The following SCAP variants were observed in gnomAD, a reference collection of about 807,000 sequenced individuals.
The protein encoded by SCAP is sterol regulatory element-binding protein cleavage-activating protein.
Under a neutral mutation model 123.6 loss-of-function variants are expected in SCAP, and 65 were observed. That is an observed-to-expected ratio of 0.53 (90% CI 0.43 to 0.65). The LOEUF is 0.65. SCAP is among the 30% of genes least tolerant of loss of function. The pLI is 0.00. For missense variants in SCAP, 1,398 were observed against 1,712.5 expected, an observed-to-expected ratio of 0.82 and a Z score of 3.24; for synonymous variants, 740 against 726.3, an observed-to-expected ratio of 1.02 and a Z score of -0.30.
intron 19 of SCAP, 33 bp from the exon 20 acceptor site, chr3:47,415,026 A>C (rs1405242579): frequency 6.3e-7 from 1 of 1,580,024 alleles, no homozygotes; most frequent in Non-Finnish European, 8.6e-7. Context: ...AGAATCTCTG[A>C]GAAAGCAATG....
chr3:47,438,173 C>T (rs555296086), intron 2 of SCAP, among the ~76,000 whole-genome samples: 24 of 152,150 alleles, frequency 1.6e-4, no homozygotes, highest in Non-Finnish European at 2.9e-4. Flanking sequence ...TTTTGTGAAA[C>T]GCCTCTTCAA....
At chr3:47,416,326 G>A (rs566540878) in intron 18 of SCAP, among the ~76,000 whole-genome samples, 1 of 152,324 alleles carries the variant, frequency 6.6e-6, no homozygotes, top group South Asian at 2.1e-4. Flanking sequence ...TACTGGGGAC[G>A]CCCACAGCCA....
At chr3:47,427,050 C>T in intron 6 of SCAP, 107 bp downstream of exon 6, 1 of 770,296 alleles carries the variant, frequency 1.3e-6, no homozygotes, top group Non-Finnish European at 2.2e-6. Flanking sequence ...GGAAACTCTC[C>T]CAAGTTTCCA....
intron 1 of SCAP, among the ~76,000 whole-genome samples, chr3:47,470,491 G>A (rs1707988455): frequency 6.6e-6 from 1 of 152,202 alleles, no homozygotes; most frequent in Non-Finnish European, 1.5e-5. Context: ...TGGGCAAGAA[G>A]AAAGCCTGAC....
At chr3:47,442,841 C>T in intron 2 of SCAP, 31 bp downstream of exon 2, 1 of 1,602,554 alleles carries the variant, frequency 6.2e-7, no homozygotes, top group Non-Finnish European at 8.6e-7. Context: ...AGACACTGGC[C>T]CACCATATCC....
intron 2 of SCAP, 126 bp from the exon 3 acceptor site, chr3:47,435,263 T>C (rs1427557733): frequency 9.3e-7 from 1 of 1,072,006 alleles, no homozygotes; most frequent in African/African-American, 1.6e-5. Flanking sequence ...TGCAAAATAT[T>C]AGAATCACAA....
intron 1 of SCAP, among the ~76,000 whole-genome samples, chr3:47,447,838 C>T (rs1252103174): frequency 6.6e-6 from 1 of 151,918 alleles, no homozygotes; most frequent in Non-Finnish European, 1.5e-5. Context: ...GAAACCCCGT[C>T]TCTATGAAAA....
chr3:47,421,018 GAGAC>G lies in SCAP; in HGVS notation c.1253_1256del (p.Cys418SerfsTer31). The G allele has an allele frequency of 6.2e-7, 1 of 1,613,826 alleles. No homozygotes were observed. Among genetic ancestry groups the G allele is most frequent in the Non-Finnish European group, 8.5e-7 (1 of 1,179,874 alleles). On this transcript the variant is annotated frameshift_variant, in exon 11 of 23. Coordinates refer to ENST00000265565, the MANE Select transcript of SCAP (RefSeq NM_012235.4). LOFTEE classifies it high-confidence loss of function. ...CAGACACCAGCCCCACGACAGCAAA[GAGAC>G]AGAACTCCTGGAATCAGAGCACATG...
intron 1 of SCAP, among the ~76,000 whole-genome samples, chr3:47,462,546 G>A (rs965898605): frequency 6.6e-6 from 1 of 151,946 alleles, no homozygotes; most frequent in Non-Finnish European, 1.5e-5. Context: ...AATGAGAAAC[G>A]CCTACAACCA....
chr3:47,417,574 G>A lies in SCAP; in HGVS notation c.2700C>T (p.Val900=), dbSNP rs780497763. 8 of 1,590,230 alleles carry A rather than the reference G, an allele frequency of 5.0e-6. No individual in the cohort carries two copies. The East Asian group carries it at 1.8e-4, about 36-fold the overall frequency. ...CTGGGGAGTCCCGAGAGCGGCCACA[G>A]ACCGCCCGGTGCCGGGGCTCGGGCT... ...PTQPEPRHRA[V]CGRSRDSPGY... is the part of the protein sequence containing the mutation. The change falls in exon 17 of 23, where the codon GTC becomes GTT. Residue 900 remains valine, a synonymous_variant. Transcript: ENST00000265565.
intron 6 of SCAP, 143 bp from the exon 7 acceptor site, chr3:47,426,312 C>G (rs1706128292): frequency 2.5e-6 from 2 of 793,046 alleles, no homozygotes; most frequent in Non-Finnish European, 3.8e-6. Context: ...CTGAGCTTCT[C>G]TATAGTCTCC....
chr3:47,437,648 T>G (rs1385400859), intron 2 of SCAP, among the ~76,000 whole-genome samples: 1 of 151,052 alleles, frequency 6.6e-6, no homozygotes, highest in Non-Finnish European at 1.5e-5. Flanking sequence ...GAGGCTTAAG[T>G]GGGAGGATCG....
intron 3 of SCAP, chr3:47,428,945 G>C (rs931936110): frequency 5.8e-6 from 2 of 343,188 alleles, no homozygotes; most frequent in Non-Finnish European, 1.1e-5. Flanking sequence ...TGAGCTTGCC[G>C]ATGTCACAGC....
intron 2 of SCAP, among the ~76,000 whole-genome samples, chr3:47,440,437 G>C (rs1468509274): frequency 6.6e-6 from 1 of 152,036 alleles, no homozygotes; most frequent in African/African-American, 2.4e-5. Context: ...AGTCTTTGGA[G>C]GCTGAGAGAC....
chr3:47,473,088 A>AAAAAAAAAAAAAACAAAAAAAAAAC (rs1162589783), intron 1 of SCAP, among the ~76,000 whole-genome samples: 1 of 145,472 alleles, frequency 6.9e-6, no homozygotes, highest in Non-Finnish European at 1.5e-5. Flanking sequence ...CTCAAAAAAA[A>AAAAAAAAAAAAAACAAAAAAAAAAC]AAAAAAAAAA....
intron 4 of SCAP, among the ~76,000 whole-genome samples, chr3:47,428,304 G>A (rs576942700): frequency 6.6e-6 from 1 of 152,332 alleles, no homozygotes; most frequent in South Asian, 2.1e-4. Flanking sequence ...TCAAGGCTAT[G>A]TGTGTGCCAT....
At chr3:47,430,592 C>G (rs1175479822) in intron 3 of SCAP, among the ~76,000 whole-genome samples, 2 of 152,200 alleles carry the variant, frequency 1.3e-5, no homozygotes, top group East Asian at 3.8e-4. Flanking sequence ...AGATGACAAG[C>G]AGGCTTAGAC....
chr3:47,415,187 G>C lies in SCAP; in HGVS notation c.3057-7C>G. On this transcript the variant is annotated splice_polypyrimidine_tract_variant and splice_region_variant and intron_variant, in intron 18 of 22. Coordinates refer to ENST00000265565, the MANE Select transcript of SCAP (RefSeq NM_012235.4). ...GAGCCGTGCAGCCACAATCCTGGAA[G>C]AGAAGAACAGCTGCCAGGGGCCTCT... is the stretch of plus-strand genomic sequence containing the variant. The C allele has an allele frequency of 6.2e-7, 1 of 1,604,728 alleles. No homozygotes were observed.
At chr3:47,423,045 C>T (rs1705974976) in intron 9 of SCAP, among the ~76,000 whole-genome samples, 1 of 152,252 alleles carries the variant, frequency 6.6e-6, no homozygotes, top group South Asian at 2.1e-4. Context: ...GCTCTGTGCT[C>T]TTACTGGGTA....
Sources: gnomAD v4.1 joint callset for allele counts (sites outside exome capture counted in the v4.1 genomes callset) on GRCh38, gnomAD v4.1.1 for gene constraint, MANE v1.5 for transcripts, NCBI Gene and HGNC (gene_info 2026-07-23, HGNC 2026-07-21) for gene names.